CDH12: variants seen among roughly 807,000 people sequenced by gnomAD.
CDH12 encodes cadherin-12.
CDH12 carries 41 observed loss-of-function variants against 74.1 expected under a neutral mutation model. The ratio of observed to expected loss-of-function variants is 0.55; its 90% CI spans 0.43 to 0.72. CDH12 has a LOEUF of 0.72. Among genes scored for constraint, CDH12 ranks in the 30% least tolerant of loss-of-function variants. The pLI is 0.00. For synonymous variants in CDH12, 399 were observed against 355.0 expected (o/e 1.12, Z -1.39); for missense variants, 945 against 977.2 (o/e 0.97, Z 0.44).
chr5:22,161,966 A>T (rs1748379267), intron 4 of CDH12, among the ~76,000 whole-genome samples: 1 of 151,674 alleles, frequency 6.6e-6, no homozygotes, highest in South Asian at 2.1e-4. Context: ...AGTCACTACA[A>T]CATTCACTTC....
At chr5:21,824,207 A>AT (rs148266980) in intron 8 of CDH12, among the ~76,000 whole-genome samples, 9 of 151,404 alleles carry the variant, frequency 5.9e-5, no homozygotes, top group Non-Finnish European at 1.3e-4. Flanking sequence ...CAAATTTTTA[A>AT]TTTTTTTTTC....
At chr5:21,951,184 G>A (rs1045672855) in intron 6 of CDH12, among the ~76,000 whole-genome samples, 1 of 152,028 alleles carries the variant, frequency 6.6e-6, no homozygotes, top group Non-Finnish European at 1.5e-5. Flanking sequence ...TTTTCAATAC[G>A]ATTAAGCAAG....
chr5:22,076,861 T>TCA lies in CDH12; in HGVS notation c.231+1584_231+1585insTG, dbSNP rs1224829357. Among the ~76,000 whole-genome samples the TCA allele has an allele frequency of 5.8e-3, 885 of 152,128 alleles. 7 individuals carry two copies. Among genetic ancestry groups the TCA allele is most frequent in the African/African-American group, 0.018 (751 of 41,512 alleles). On this transcript the variant is annotated intron_variant, in intron 5 of 14. Transcript: ENST00000382254. ...GTCATTCTGGTCTAGGCTGGAAATG[T>TCA]TTGGGTCTCAGTGTCCATTTATCGT...
intron 2 of CDH12, among the ~76,000 whole-genome samples, chr5:22,445,349 G>A (rs1184650543): frequency 6.6e-6 from 1 of 152,078 alleles, no homozygotes; most frequent in African/African-American, 2.4e-5. Flanking sequence ...AGCAGGACAT[G>A]AAGAGCACAG....
chr5:21,908,109 G>T (rs1753719553), intron 6 of CDH12, among the ~76,000 whole-genome samples: 1 of 152,178 alleles, frequency 6.6e-6, no homozygotes, highest in Non-Finnish European at 1.5e-5. Flanking sequence ...AGTCTGCAAA[G>T]CTAAGAGGCT....
At position 21,966,983 on chromosome 5, in the gene CDH12, C is replaced by T. The variant is rs563416017; in HGVS notation, c.526+8108G>A. On this transcript the variant is annotated intron_variant, in intron 6 of 14. Transcript: ENST00000382254. ...AACATACTAGTCCTGCCATTTGAGTCTGTTCTCTTCACGGAATATTTTCAC... is the reference window on the plus strand; with the variant it reads ...AACATACTAGTCCTGCCATTTGAGTTTGTTCTCTTCACGGAATATTTTCAC... Among the ~76,000 whole-genome samples, 738 of 152,194 alleles carry T rather than the reference C, an allele frequency of 4.8e-3. 2 individuals are homozygous for T. Among genetic ancestry groups the T allele is most frequent in the Non-Finnish European group, 7.0e-3 (475 of 68,008 alleles).
intron 1 of CDH12, among the ~76,000 whole-genome samples, chr5:22,841,198 A>G (rs1737066420): frequency 6.6e-6 from 1 of 152,192 alleles, no homozygotes; most frequent in African/African-American, 2.4e-5. Context: ...CATGGTGACA[A>G]GAGAGCAACA....
At chr5:22,476,675 A>G (rs1470118279) in intron 2 of CDH12, among the ~76,000 whole-genome samples, 1 of 152,176 alleles carries the variant, frequency 6.6e-6, no homozygotes, top group Non-Finnish European at 1.5e-5. Context: ...AATACTACTC[A>G]AAGTAATGTT....
In CDH12 at chr5:22,497,691, G is replaced by A. The variant is rs145528868; in HGVS notation, c.-428+7579C>T. Among the ~76,000 whole-genome samples, 209 of 123,990 alleles carry A rather than the reference G, an allele frequency of 1.7e-3. 2 individuals carry two copies. The highest frequency in any genetic ancestry group is 6.2e-3 in the African/African-American group (193 of 31,342). The allele number at this position is 123,990 out of a possible 152,430, so 81.3% of individuals were successfully genotyped here. The stretch of plus-strand genomic sequence containing the variant: ...GTAATCTGGCTCTGTCACCTAGGCT[G>A]GAATGCAGTGGTGTGATCTCGGCTC... On this transcript the variant is annotated intron_variant, in intron 2 of 14. Transcript: ENST00000382254.
chr5:22,197,237 G>T (rs1459442707), intron 4 of CDH12, among the ~76,000 whole-genome samples: 1 of 152,054 alleles, frequency 6.6e-6, no homozygotes, highest in Non-Finnish European at 1.5e-5. Flanking sequence ...GAGGTCAGGA[G>T]ATCGAGTCCA....
At chr5:21,795,211 AT>A (rs5866527) in intron 10 of CDH12, among the ~76,000 whole-genome samples, 3 of 151,000 alleles carry the variant, frequency 2.0e-5, no homozygotes, top group East Asian at 3.9e-4. Flanking sequence ...AATAAATGTG[AT>A]TTTTTTTAAG....
At chr5:21,900,427 A>C (rs1753332402) in intron 6 of CDH12, among the ~76,000 whole-genome samples, 1 of 152,216 alleles carries the variant, frequency 6.6e-6, no homozygotes, top group African/African-American at 2.4e-5. Flanking sequence ...GCTATTCTAA[A>C]TAATTAAAAT....
At chr5:22,306,563 T>C (rs1279694744) in intron 3 of CDH12, among the ~76,000 whole-genome samples, 1 of 152,158 alleles carries the variant, frequency 6.6e-6, no homozygotes, top group East Asian at 1.9e-4. Flanking sequence ...TTTAACCTAA[T>C]ATGCAAAATG....
chr5:22,266,085 A>G (rs867864149), intron 3 of CDH12, among the ~76,000 whole-genome samples: 1 of 91,232 alleles, frequency 1.1e-5, no homozygotes, highest in Non-Finnish European at 2.4e-5. Flanking sequence ...TTATTTATTT[A>G]TTTTTCTGAA....
intron 3 of CDH12, among the ~76,000 whole-genome samples, chr5:22,227,098 C>T (rs193013915): frequency 9.2e-5 from 14 of 152,176 alleles, no homozygotes; most frequent in East Asian, 3.9e-4. Flanking sequence ...CAAGTTAACA[C>T]GTCTGGATTC....
At chr5:22,195,913 C>G (rs1750590765) in intron 4 of CDH12, among the ~76,000 whole-genome samples, 1 of 152,114 alleles carries the variant, frequency 6.6e-6, no homozygotes, top group South Asian at 2.1e-4. Flanking sequence ...TTCATTTTCT[C>G]AGTTTCAACC....
intron 5 of CDH12, among the ~76,000 whole-genome samples, chr5:22,027,164 C>T (rs563130660): frequency 6.6e-5 from 10 of 152,094 alleles, no homozygotes; most frequent in Non-Finnish European, 1.5e-4. Flanking sequence ...GGGATGAAGC[C>T]CACTTGATCA....
In CDH12 at chr5:22,073,589, A is replaced by G. The variant is rs114520648; in HGVS notation, c.231+4857T>C. Among the ~76,000 whole-genome samples, 1,220 of 152,306 alleles carry G rather than the reference A, an allele frequency of 8.0e-3. 8 individuals carry two copies. The highest frequency in any genetic ancestry group is 0.028 in the African/African-American group (1,176 of 41,588). On this transcript the variant is annotated intron_variant, in intron 5 of 14. Transcript: ENST00000382254. ...AAAGTTAATTTATTTCTTACTGTAC[A>G]GTATGAAAACATACTTATCTAGGTA...
At position 21,755,623 on chromosome 5, in the gene CDH12, A is replaced by T; in HGVS notation, c.1853T>A (p.Ile618Asn). 6.2e-7 allele frequency: 1 copy of T among 1,614,026 alleles called. No individual in the cohort carries two copies. The highest frequency in any genetic ancestry group is 8.5e-7 in the Non-Finnish European group (1 of 1,179,916). ...LPVGLSTGAL[I>N]AILLCIVILL... ...TATAACAATGCATAGTAGAATTGCA[A>T]TCAACGCCCCAGTGCTAAGTCCTAC... The change falls in exon 14 of 15, where the codon ATT becomes AAT. Residue 618 changes from isoleucine (I) to asparagine (N), a missense_variant. Physicochemically the swap from Ile to Asn is moderately radical, Grantham distance 149. Around this residue, in one of 3 missense-constraint regions of CDH12, gnomAD observed 791 missense variants for 792.8 expected, o/e 1.00. Coordinates refer to ENST00000382254, the MANE Select transcript of CDH12 (RefSeq NM_004061.5).
Sources: gnomAD v4.1 joint callset for allele counts (sites outside exome capture counted in the v4.1 genomes callset) on GRCh38, gnomAD v4.1.1 for gene constraint, gnomAD v4.1.1 regional missense constraint, MANE v1.5 for transcripts, NCBI Gene and HGNC (gene_info 2026-07-23, HGNC 2026-07-21) for gene names.